GCG: variants seen among roughly 807,000 people sequenced by gnomAD.
The protein encoded by GCG is pro-glucagon.
Under a neutral mutation model 22.8 loss-of-function variants are expected in GCG, and 11 were observed. That is an observed-to-expected ratio of 0.48 (90% CI 0.30 to 0.80). GCG has a LOEUF of 0.80. Among genes scored for constraint, GCG ranks in the 30% least tolerant of loss-of-function variants. The pLI is 0.06. For missense variants in GCG, 222 were observed against 222.0 expected (o/e 1.00, Z 0.00); for synonymous variants, 89 against 72.4 (o/e 1.23, Z -1.16).
intron 4 of GCG, chr2:162,144,389 A>C (rs1686629756): frequency 1.9e-6 from 1 of 515,634 alleles, no homozygotes; most frequent in East Asian, 3.1e-5. Context: ...AAGCCTGCAT[A>C]ATTTCATGCC....
chr2:162,142,974 A>G lies in GCG; in HGVS notation c.*390T>C, dbSNP rs555967139. On this transcript the variant is annotated 3_prime_UTR_variant, in exon 6 of 6. Coordinates refer to ENST00000418842, the MANE Select transcript of GCG (RefSeq NM_002054.5). Reference sequence around the variant, plus strand: ...TTTCAGGAAGAAAGTTCTCTTTCCAATTTCACCACTGTGGCTACCAGTTCT... The same window carrying G: ...TTTCAGGAAGAAAGTTCTCTTTCCAGTTTCACCACTGTGGCTACCAGTTCT... The G allele has an allele frequency of 4.3e-4, 70 of 161,448 alleles. No individual in the cohort carries two copies. The highest frequency in any genetic ancestry group is 1.8e-3 in the Admixed American group (28 of 15,548). 10.0% of individuals were successfully genotyped at this position (161,448 alleles called of 1,614,324 possible).
At position 162,150,059 on chromosome 2, in the gene GCG, A is replaced by G. The variant is rs1350047307; in HGVS notation, c.-9-872T>C. On this transcript the variant is annotated intron_variant, in intron 1 of 5. Coordinates refer to ENST00000418842, the MANE Select transcript of GCG (RefSeq NM_002054.5). Reference sequence around the variant, plus strand: ...TTGCTTGTCCCTGTGTCACAAGCAGATGCCCTGCGAAGCCATAGTATGTTA... The same window carrying G: ...TTGCTTGTCCCTGTGTCACAAGCAGGTGCCCTGCGAAGCCATAGTATGTTA... Among the ~76,000 whole-genome samples the G allele has an allele frequency of 2.0e-5, 3 of 152,116 alleles. 1 individual carries two copies. Among genetic ancestry groups the G allele is most frequent in the Admixed American group, 2.0e-4 (3 of 15,264 alleles).
At chr2:162,145,939 T>G (rs536991854) in intron 3 of GCG, among the ~76,000 whole-genome samples, 1 of 152,218 alleles carries the variant, frequency 6.6e-6, no homozygotes, top group South Asian at 2.1e-4. Flanking sequence ...TGCTTATGTA[T>G]GTCATTGGTT....
chr2:162,144,446 T>C (rs1490728963), intron 4 of GCG: 2 of 353,862 alleles, frequency 5.7e-6, no homozygotes, highest in African/African-American at 2.1e-5. Context: ...ATATTGACAA[T>C]ACAGAAACTA....
At chr2:162,146,538 T>TTCTCTCTCTCTCTCTC (rs59717414) in intron 3 of GCG, among the ~76,000 whole-genome samples, 1 of 133,514 alleles carries the variant, frequency 7.5e-6, no homozygotes, top group Non-Finnish European at 1.5e-5. Context: ...TGCTTGCTTG[T>TTCTCTCTCTCTCTCTC]TCTCTCTCTC....
intron 1 of GCG, 31 bp from the exon 2 acceptor site, chr2:162,149,218 G>T (rs1462606010): frequency 2.4e-6 from 3 of 1,260,386 alleles, no homozygotes; most frequent in Admixed American, 1.7e-5. Context: ...GGTAGGGTGA[G>T]GGGGGCAGGC....
At chr2:162,143,808 A>T in intron 5 of GCG, 1 of 565,664 alleles carries the variant, frequency 1.8e-6, no homozygotes, top group Middle Eastern at 4.7e-4. Flanking sequence ...ATAGACACTC[A>T]GTAAATGTTT....
intron 5 of GCG, among the ~76,000 whole-genome samples, chr2:162,143,733 A>G (rs1686612384): frequency 6.6e-6 from 1 of 152,198 alleles, no homozygotes; most frequent in South Asian, 2.1e-4. Flanking sequence ...TAATGTGACA[A>G]TATGTGAATG....
At chr2:162,150,841 A>T (rs1250628173) in intron 1 of GCG, among the ~76,000 whole-genome samples, 2 of 152,126 alleles carry the variant, frequency 1.3e-5, no homozygotes, top group Non-Finnish European at 2.9e-5. Context: ...GATTTAGAGC[A>T]GGAGGTATCC....
intron 3 of GCG, among the ~76,000 whole-genome samples, chr2:162,146,044 T>C (rs1157045774): frequency 6.6e-6 from 1 of 152,156 alleles, no homozygotes; most frequent in Non-Finnish European, 1.5e-5. Context: ...TTGTTATTAG[T>C]AAGTATGGGG....
intron 1 of GCG, among the ~76,000 whole-genome samples, chr2:162,150,758 A>G (rs1481457607): frequency 6.6e-6 from 1 of 152,104 alleles, no homozygotes; most frequent in Non-Finnish European, 1.5e-5. Flanking sequence ...CTTTCACAAG[A>G]CTGAAAAAAA....
intron 1 of GCG, among the ~76,000 whole-genome samples, chr2:162,149,908 TA>T (rs889131925): frequency 1.3e-5 from 2 of 151,446 alleles, no homozygotes; most frequent in Non-Finnish European, 1.5e-5. Context: ...GATTACTATG[TA>T]AAAAAAAATT....
rs770590360 is a variant in GCG, at chr2:162,144,164, T to C, written c.399A>G (p.Pro133=). The C allele has an allele frequency of 3.1e-6, 5 of 1,609,918 alleles. No homozygotes were observed. The highest frequency in any genetic ancestry group is 1.6e-4 in the Middle Eastern group (1 of 6,066). ...LVKGRGRRDF[P]EEVAIVEELG... ...GTTCTTCAACAATGGCGACCTCTTCTGGGAAACTAAGAAAATAAGTGTTAA... is the reference window on the plus strand; with the variant it reads ...GTTCTTCAACAATGGCGACCTCTTCCGGGAAACTAAGAAAATAAGTGTTAA... The change falls in exon 5 of 6, where the codon CCA becomes CCG. Residue 133 remains proline (P), a synonymous_variant. Coordinates refer to ENST00000418842, the MANE Select transcript of GCG (RefSeq NM_002054.5).
intron 4 of GCG, 102 bp from the exon 5 acceptor site, chr2:162,144,272 A>G: frequency 1.1e-6 from 1 of 919,716 alleles, no homozygotes; most frequent in South Asian, 1.4e-5. Flanking sequence ...TTGAGGAAAC[A>G]GTAAAGGATT....
At chr2:162,148,166 A>G (rs1323509952) in intron 2 of GCG, among the ~76,000 whole-genome samples, 1 of 152,118 alleles carries the variant, frequency 6.6e-6, no homozygotes, top group Non-Finnish European at 1.5e-5. Context: ...AATGCTGAGG[A>G]GGATATTATG....
chr2:162,147,388 A>G lies in GCG; in HGVS notation c.219T>C (p.Asp73=). 1.2e-6 allele frequency: 2 copies of G among 1,613,280 alleles called. No homozygotes were observed. The highest frequency in any genetic ancestry group is 1.7e-6 in the Non-Finnish European group (2 of 1,179,408). Residue 73 remains aspartate, a synonymous_variant, in exon 3 of 6, where the codon GAT becomes GAC. Transcript: ENST00000418842. ...SKYLDSRRAQ[D]FVQWLMNTKR... ...TGGTATTCATCAACCACTGCACAAA[A>G]TCTTGGGCACGCCTGGAGTCCAGAT... is the stretch of plus-strand genomic sequence containing the variant.
At position 162,143,074 on chromosome 2, in the gene GCG, ATAATTTTATCGCTAAATG is replaced by A. The variant is rs1202051203; in HGVS notation, c.*272_*289del. The A allele has an allele frequency of 1.5e-5, 4 of 273,084 alleles. No homozygotes were observed. Among genetic ancestry groups the A allele is most frequent in the Non-Finnish European group, 2.1e-5 (3 of 145,566 alleles). 16.9% of individuals were successfully genotyped at this position (273,084 alleles called of 1,614,324 possible). ...CATTTACAAATTATATCATAGAAAA[ATAATTTTATCGCTAAATG>A]TAAACAGGTTGGGGTACTTCATCCA... On this transcript the variant is annotated 3_prime_UTR_variant, in exon 6 of 6. Coordinates refer to ENST00000418842, the MANE Select transcript of GCG (RefSeq NM_002054.5).
At chr2:162,151,155 T>G (rs1165355894) in intron 1 of GCG, among the ~76,000 whole-genome samples, 1 of 152,104 alleles carries the variant, frequency 6.6e-6, no homozygotes, top group Non-Finnish European at 1.5e-5. Flanking sequence ...AAAGAGAGCC[T>G]GCAGTTTTGT....
At chr2:162,143,858 C>T in intron 5 of GCG, 169 bp downstream of exon 5, 1 of 646,902 alleles carries the variant, frequency 1.5e-6, no homozygotes, top group East Asian at 2.7e-5. Context: ...TGTAATGATA[C>T]AAAACAAACA....
Sources: gnomAD v4.1 joint callset for allele counts (sites outside exome capture counted in the v4.1 genomes callset) on GRCh38, gnomAD v4.1.1 for gene constraint, MANE v1.5 for transcripts, NCBI Gene and HGNC (gene_info 2026-07-23, HGNC 2026-07-21) for gene names.